RLF: variants seen among roughly 807,000 people sequenced by gnomAD.
RLF encodes zinc finger protein Rlf.
In RLF, 7 loss-of-function variants were observed where a neutral mutation model predicts 162.9. The ratio of observed to expected loss-of-function variants is 0.04; its 90% confidence interval spans 0.02 to 0.08. The LOEUF (loss-of-function observed/expected upper bound fraction) is 0.08, where lower values mean the gene tolerates loss of function less well. Among genes scored for constraint, RLF ranks in the 10% least tolerant of loss-of-function variants. The pLI is 1.00. For synonymous variants in RLF, 782 were observed against 791.5 expected (o/e 0.99, Z 0.20); for missense variants, 1,664 against 2,244.7 (o/e 0.74, Z 5.23).
chr1:40,233,431 G>T (rs1001938302), intron 7 of RLF, among the ~76,000 whole-genome samples: 1 of 152,136 alleles, frequency 6.6e-6, no homozygotes, highest in East Asian at 1.9e-4. Context: ...TCTTCCAAAA[G>T]GAGTTAGTAA....
At chr1:40,167,417 C>A (rs1433494591) in intron 1 of RLF, among the ~76,000 whole-genome samples, 1 of 152,262 alleles carries the variant, frequency 6.6e-6, no homozygotes, top group East Asian at 1.9e-4. Context: ...ATGACAAAAA[C>A]ATAGTATAAA....
intron 5 of RLF, among the ~76,000 whole-genome samples, chr1:40,215,608 TCTCA>T (rs1642915469): frequency 1.3e-5 from 2 of 151,964 alleles, no homozygotes; most frequent in South Asian, 4.1e-4. Flanking sequence ...TGAGACAGGG[TCTCA>T]CTCTGTCCCT....
chr1:40,176,097 A>G (rs1642321946), intron 1 of RLF, among the ~76,000 whole-genome samples: 1 of 152,104 alleles, frequency 6.6e-6, no homozygotes. Context: ...TATTTTATTG[A>G]TGAGTATTCA....
At chr1:40,198,434 A>T (rs1354440138) in intron 4 of RLF, among the ~76,000 whole-genome samples, 2 of 150,538 alleles carry the variant, frequency 1.3e-5, no homozygotes, top group East Asian at 3.9e-4. Context: ...CCTCCCAAGT[A>T]GCTGGGATTA....
At chr1:40,211,466 A>G (rs769629255) in intron 5 of RLF, among the ~76,000 whole-genome samples, 2 of 152,232 alleles carry the variant, frequency 1.3e-5, no homozygotes, top group Non-Finnish European at 2.9e-5. Context: ...GTTCATATTT[A>G]TACATATAGG....
At chr1:40,220,119 T>C (rs944994824) in intron 5 of RLF, among the ~76,000 whole-genome samples, 5 of 151,998 alleles carry the variant, frequency 3.3e-5, no homozygotes, top group Non-Finnish European at 7.4e-5. Context: ...TCCCAGCTAC[T>C]CGGGGGGCTG....
chr1:40,205,764 TAC>T (rs1012228735), intron 5 of RLF, among the ~76,000 whole-genome samples: 3 of 152,206 alleles, frequency 2.0e-5, no homozygotes, highest in Non-Finnish European at 4.4e-5. Context: ...GTGCTGGGAT[TAC>T]AGGCGTGAGC....
At chr1:40,214,165 T>C (rs1158607919) in intron 5 of RLF, among the ~76,000 whole-genome samples, 2 of 152,218 alleles carry the variant, frequency 1.3e-5, no homozygotes, top group African/African-American at 4.8e-5. Flanking sequence ...TTATTCAGTA[T>C]ACATTCATTG....
chr1:40,235,195 G>A (rs1643201964), intron 7 of RLF, among the ~76,000 whole-genome samples: 1 of 151,450 alleles, frequency 6.6e-6, no homozygotes, highest in South Asian at 2.1e-4. Flanking sequence ...CCGAGTAGCT[G>A]GGATTACAGG....
intron 7 of RLF, 93 bp from the exon 8 acceptor site, chr1:40,235,699 A>C: frequency 1.1e-6 from 1 of 915,902 alleles, no homozygotes; most frequent in South Asian, 2.1e-5. Flanking sequence ...AGGAACTCTA[A>C]AAGTTTTTAC....
At chr1:40,225,533 C>G (rs1349969632) in intron 6 of RLF, among the ~76,000 whole-genome samples, 1 of 138,666 alleles carries the variant, frequency 7.2e-6, no homozygotes, top group Middle Eastern at 4.3e-3. Flanking sequence ...GAGCTGAGAT[C>G]GTGCCACTGC....
Position 40,237,572 on chromosome 1 carries a change from G to A in RLF, c.2870G>A (p.Gly957Asp), listed in dbSNP as rs35042446. 0.025 allele frequency: 41,007 copies of A among 1,614,104 alleles called. 634 individuals carry two copies. The highest frequency in any genetic ancestry group is 0.028 in the Non-Finnish European group (33,311 of 1,179,994). ...TTTGACGGGACTAAGTTTACCTGTGGTTTTGATGGCTGTGGTTCCACATAC... is the reference window on the plus strand; with the variant it reads ...TTTGACGGGACTAAGTTTACCTGTGATTTTGATGGCTGTGGTTCCACATAC... ...VCFDGTKFTC[G>D]FDGCGSTYKN... is the part of the protein sequence containing the mutation. The change falls in exon 8 of 8, where the codon GGT becomes GAT. Residue 957 changes from glycine (G) to aspartate (D), a missense_variant. Transcript: ENST00000372771. This position sits in a 1 kb window ranked among gnomAD's most constrained non-coding sequence, Gnocchi z 4.4.
chr1:40,161,571 A>G lies in RLF; in HGVS notation c.172A>G (p.Thr58Ala). Reference protein sequence around the residue: ...GLRPCLWQLETELREQEVSEV... With the variant: ...GLRPCLWQLEAELREQEVSEV... The stretch of plus-strand genomic sequence containing the variant: ...GCGGCCGTGTCTGTGGCAGCTGGAG[A>G]CAGAGCTGAGGGAGCAAGAGGTGTC... Residue 58 changes from threonine to alanine, a missense_variant, in exon 1 of 8, where the codon ACA (threonine) becomes GCA (alanine). Transcript: ENST00000372771. The surrounding 1 kb of genome is among the most constrained non-coding windows in gnomAD (Gnocchi z 4.4). The G allele has an allele frequency of 6.2e-7, 1 of 1,612,372 alleles. No individual in the cohort carries two copies. Among genetic ancestry groups the G allele is most frequent in the Non-Finnish European group, 8.5e-7 (1 of 1,179,262 alleles).
At chr1:40,221,236 T>G (rs942573775) in intron 5 of RLF, among the ~76,000 whole-genome samples, 4 of 152,056 alleles carry the variant, frequency 2.6e-5, no homozygotes, top group Non-Finnish European at 5.9e-5. Flanking sequence ...AATTTAAAAA[T>G]GAACTTTGGA....
At chr1:40,178,547 T>A (rs1642359287) in intron 1 of RLF, among the ~76,000 whole-genome samples, 1 of 151,142 alleles carries the variant, frequency 6.6e-6, no homozygotes, top group African/African-American at 2.4e-5. Context: ...TAAAAATTGT[T>A]CAGATGGTAA....
rs1294136062 is a variant in RLF at position 40,236,217 on chromosome 1, T to A, written c.1515T>A (p.Asp505Glu). 1.2e-6 allele frequency: 2 copies of A among 1,613,788 alleles called. No homozygotes were observed. The highest frequency in any genetic ancestry group is 8.5e-7 in the Non-Finnish European group (1 of 1,179,870). ...ATGAAATGTCCATTAATGACACAGA[T>A]GTTTTAGAGTCATTTCTCAGTGACT... ...SGYEMSINDT[D>E]VLESFLSDYD... Residue 505 changes from aspartate (D) to glutamate (E), a missense_variant, in exon 8 of 8, where the codon GAT (aspartate) becomes GAA (glutamate). This residue lies in a region of RLF where 54 missense variants were observed against 71.7 expected (regional missense o/e 0.75). Transcript: ENST00000372771. This position sits in a 1 kb window ranked among gnomAD's most constrained non-coding sequence, Gnocchi z 7.7.
At position 40,161,618 on chromosome 1, in the gene RLF, C is replaced by T; in HGVS notation, c.219C>T (p.Tyr73=). ...QEVSEVSSLN[Y]CRSFCQTLLQ... is the part of the protein sequence containing the mutation. ...TGTCGGAGGTCTCATCTTTGAACTA[C>T]TGCCGGAGCTTCTGCCAGGTGAGGG... The change falls in exon 1 of 8, where the codon TAC becomes TAT. Residue 73 remains tyrosine (Y), a synonymous_variant. Coordinates refer to ENST00000372771, the MANE Select transcript of RLF (RefSeq NM_012421.4). The surrounding 1 kb of genome is among the most constrained non-coding windows in gnomAD (Gnocchi z 4.4). 3 of 1,612,690 alleles carry T rather than the reference C, an allele frequency of 1.9e-6. No homozygotes were observed. The highest frequency in any genetic ancestry group is 2.5e-6 in the Non-Finnish European group (3 of 1,179,452).
chr1:40,204,182 ATTTT>A (rs1245084549), intron 5 of RLF, among the ~76,000 whole-genome samples: 5 of 151,434 alleles, frequency 3.3e-5, no homozygotes, highest in Non-Finnish European at 7.4e-5. Context: ...CGCCTGGCTA[ATTTT>A]TTTGTATTTT....
intron 6 of RLF, among the ~76,000 whole-genome samples, chr1:40,226,490 T>C (rs1570559695): frequency 6.6e-6 from 1 of 152,222 alleles, no homozygotes; most frequent in Admixed American, 6.5e-5. Flanking sequence ...GTTACACATT[T>C]GTATTTCTTC....
Sources: allele counts gnomAD v4.1 joint callset (sites outside exome capture counted in the v4.1 genomes callset), GRCh38; gene constraint gnomAD v4.1.1; regional missense constraint gnomAD v4.1.1; non-coding constraint Gnocchi (gnomAD v3.1); transcripts MANE v1.5; gene names NCBI Gene and HGNC (gene_info 2026-07-23, HGNC 2026-07-21).